TMPRSS11E: variants seen among roughly 807,000 people sequenced by gnomAD.
TMPRSS11E encodes transmembrane serine protease 11E, also known as transmembrane protease serine 11E.
Under a neutral mutation model 48.1 loss-of-function variants are expected in TMPRSS11E, and 38 were observed. That is an observed-to-expected ratio of 0.79 (90% confidence interval 0.61 to 1.04). TMPRSS11E has a LOEUF of 1.04. TMPRSS11E is among the 50% of genes least tolerant of loss of function. TMPRSS11E has a pLI of 0.00. For missense variants in TMPRSS11E, 530 were observed against 510.8 expected (o/e 1.04, Z -0.36); for synonymous variants, 158 against 171.9 (o/e 0.92, Z 0.63).
At position 68,494,458 on chromosome 4, in the gene TMPRSS11E, T is replaced by C. The variant is rs188549532; in HGVS notation, c.1111-2185T>C. 2.6e-5 allele frequency among the ~76,000 whole-genome samples: 4 copies of C among 152,318 alleles called. No homozygotes were observed. The East Asian group carries it at 5.8e-4, about 22-fold the overall frequency. ...CTATTTTCCCACTTTACCATATCTTTTATGTTTATTTCTTATGCCCCTATT... is the reference window on the plus strand; with the variant it reads ...CTATTTTCCCACTTTACCATATCTTCTATGTTTATTTCTTATGCCCCTATT... On this transcript the variant is annotated intron_variant, in intron 9 of 9. Transcript: ENST00000305363.
intron 3 of TMPRSS11E, 75 bp from the exon 4 acceptor site, chr4:68,468,804 A>C: frequency 1.8e-6 from 2 of 1,114,650 alleles, no homozygotes; most frequent in Non-Finnish European, 1.4e-6. Context: ...TTAATTTTCT[A>C]AAAAGCTTTG....
At chr4:68,487,355 C>T (rs1026304926) in intron 9 of TMPRSS11E, among the ~76,000 whole-genome samples, 13 of 151,802 alleles carry the variant, frequency 8.6e-5, no homozygotes, top group African/African-American at 2.7e-4. Flanking sequence ...TGGGTTCAAG[C>T]GATTCTTCTG....
At chr4:68,452,075 A>C (rs1476639422) in intron 1 of TMPRSS11E, among the ~76,000 whole-genome samples, 1 of 151,890 alleles carries the variant, frequency 6.6e-6, no homozygotes, top group African/African-American at 2.4e-5. Flanking sequence ...TGCATTCTCT[A>C]AAGGAAGGGA....
At chr4:68,490,017 A>G (rs895322134) in intron 9 of TMPRSS11E, among the ~76,000 whole-genome samples, 1 of 152,072 alleles carries the variant, frequency 6.6e-6, no homozygotes, top group Non-Finnish European at 1.5e-5. Flanking sequence ...TTAACTGTCC[A>G]TGGGGGATGA....
At chr4:68,495,657 G>T in intron 9 of TMPRSS11E, among the ~76,000 whole-genome samples, 1 of 152,064 alleles carries the variant, frequency 6.6e-6, no homozygotes, top group East Asian at 1.9e-4. Flanking sequence ...AAATTCACAA[G>T]GAAGTTAGCA....
chr4:68,465,779 G>A (rs747363589), intron 2 of TMPRSS11E, among the ~76,000 whole-genome samples: 33 of 152,288 alleles, frequency 2.2e-4, no homozygotes, highest in Admixed American at 6.5e-4. Flanking sequence ...TTGATCACCA[G>A]TGTATTTCTA....
At chr4:68,467,499 G>A (rs182167235) in intron 3 of TMPRSS11E, among the ~76,000 whole-genome samples, 16 of 152,254 alleles carry the variant, frequency 1.1e-4, no homozygotes, top group Non-Finnish European at 1.8e-4. Context: ...CACTGAACTG[G>A]GAGCTGGGAG....
intron 9 of TMPRSS11E, among the ~76,000 whole-genome samples, chr4:68,481,561 T>C (rs1729399318): frequency 6.6e-6 from 1 of 152,200 alleles, no homozygotes; most frequent in African/African-American, 2.4e-5. Flanking sequence ...ATTAGTGATG[T>C]TGAGCATTTG....
intron 9 of TMPRSS11E, among the ~76,000 whole-genome samples, chr4:68,492,977 A>G (rs1384212983): frequency 6.6e-6 from 1 of 152,174 alleles, no homozygotes; most frequent in East Asian, 1.9e-4. Flanking sequence ...TGTTGAAAAC[A>G]TCGTGCACTT....
chr4:68,487,243 T>C (rs371184415), intron 9 of TMPRSS11E, among the ~76,000 whole-genome samples: 2 of 150,048 alleles, frequency 1.3e-5, no homozygotes, highest in African/African-American at 4.9e-5. Flanking sequence ...GTCTTTTCTG[T>C]GGTGTCAGGA....
chr4:68,483,962 C>T (rs994354235), intron 9 of TMPRSS11E, among the ~76,000 whole-genome samples: 4 of 152,102 alleles, frequency 2.6e-5, no homozygotes, highest in African/African-American at 7.2e-5. Flanking sequence ...AGCTTTACTT[C>T]TGGCTTCTCT....
At chr4:68,461,713 A>T in intron 1 of TMPRSS11E, 108 bp from the exon 2 acceptor site, 1 of 1,546,508 alleles carries the variant, frequency 6.5e-7, no homozygotes, top group Non-Finnish European at 8.8e-7. Context: ...CAGACAGTAC[A>T]CGACCCTCCA....
chr4:68,452,043 G>A (rs1728512459), intron 1 of TMPRSS11E, among the ~76,000 whole-genome samples: 2 of 152,010 alleles, frequency 1.3e-5, no homozygotes, highest in East Asian at 3.9e-4. Context: ...TCTAAGGCCA[G>A]TGGATAGGAA....
intron 2 of TMPRSS11E, among the ~76,000 whole-genome samples, chr4:68,462,414 TAA>T (rs34825904): frequency 0.05 from 6,000 of 120,796 alleles, 202 homozygotes; most frequent in African/African-American, 0.11. Flanking sequence ...CCGTGTCTAC[TAA>T]AAAAAAAAAA....
chr4:68,477,715 T>G, intron 8 of TMPRSS11E, 87 bp downstream of exon 8: 2 of 1,512,270 alleles, frequency 1.3e-6, no homozygotes, highest in East Asian at 4.5e-5. Flanking sequence ...CCAAAATATG[T>G]TAGTTGTGTG....
At chr4:68,495,834 C>T (rs1370875852) in intron 9 of TMPRSS11E, among the ~76,000 whole-genome samples, 3 of 151,864 alleles carry the variant, frequency 2.0e-5, no homozygotes, top group Non-Finnish European at 4.4e-5. Flanking sequence ...TTTTTGTAAA[C>T]AAGAATTACA....
chr4:68,473,474 T>G (rs1204309904), intron 5 of TMPRSS11E, among the ~76,000 whole-genome samples: 1 of 152,076 alleles, frequency 6.6e-6, no homozygotes, highest in Non-Finnish European at 1.5e-5. Flanking sequence ...GAATTCTGAT[T>G]TCATAGGGAA....
intron 9 of TMPRSS11E, among the ~76,000 whole-genome samples, chr4:68,492,543 G>T (rs1729757597): frequency 6.6e-6 from 1 of 152,178 alleles, no homozygotes; most frequent in South Asian, 2.1e-4. Flanking sequence ...CCAAAGTATA[G>T]TGCAAGAAGG....
At chr4:68,483,792 C>G (rs1251912932) in intron 9 of TMPRSS11E, among the ~76,000 whole-genome samples, 1 of 152,188 alleles carries the variant, frequency 6.6e-6, no homozygotes, top group Non-Finnish European at 1.5e-5. Flanking sequence ...TTTCAACCAT[C>G]TCAAGTTGAT....
Sources: allele counts gnomAD v4.1 joint callset (sites outside exome capture counted in the v4.1 genomes callset), GRCh38; gene constraint gnomAD v4.1.1; transcripts MANE v1.5; gene names NCBI Gene and HGNC (gene_info 2026-07-23, HGNC 2026-07-21).